Variants in GABRB3 observed in about 807,000 individuals in gnomAD.
The protein encoded by GABRB3 is gamma-aminobutyric acid receptor subunit beta-3.
In GABRB3, 14 loss-of-function variants were observed where a neutral mutation model predicts 52.1. That is an observed-to-expected ratio of 0.27 (90% CI 0.18 to 0.42). The LOEUF (loss-of-function observed/expected upper bound fraction) is 0.42. Ranked by LOEUF, GABRB3 falls within the 10% of genes least tolerant of loss-of-function variation. GABRB3 has a pLI of 1.00. For synonymous variants in GABRB3, 260 were observed against 232.3 expected, an observed-to-expected ratio of 1.12 and a Z score of -1.08; for missense variants, 307 against 609.1, an observed-to-expected ratio of 0.50 and a Z score of 5.22.
intron 8 of GABRB3, among the ~76,000 whole-genome samples, chr15:26,553,103 T>C (rs11855486): frequency 0.011 from 1,715 of 152,304 alleles, 32 homozygotes; most frequent in African/African-American, 0.039. Context: ...CTATCTGATG[T>C]TGAGTCAGAA....
intron 3 of GABRB3, among the ~76,000 whole-genome samples, chr15:26,714,058 G>A (rs1344210416): frequency 6.6e-6 from 1 of 152,232 alleles, no homozygotes; most frequent in Non-Finnish European, 1.5e-5. Context: ...ACAATAATAA[G>A]GAGAATATGT....
Position 26,554,951 on chromosome 15 carries a change from G to A in GABRB3, c.1080+5981C>T, listed in dbSNP as rs527758786. The stretch of plus-strand genomic sequence containing the variant: ...TCCCGGCACTTTGGGAGGCTGAGGC[G>A]GGCGGATCACGAGGTCAGGAGATCA... On this transcript the variant is annotated intron_variant, in intron 8 of 8. Coordinates refer to ENST00000311550, the MANE Select transcript of GABRB3 (RefSeq NM_000814.6). Among the ~76,000 whole-genome samples the A allele has an allele frequency of 5.3e-5, 8 of 152,186 alleles. No individual in the cohort carries two copies. In the South Asian group the frequency reaches 8.3e-4, roughly 16 times the overall value.
At chr15:26,601,931 A>G (rs1279272132) in intron 4 of GABRB3, among the ~76,000 whole-genome samples, 1 of 152,202 alleles carries the variant, frequency 6.6e-6, no homozygotes, top group Non-Finnish European at 1.5e-5. Flanking sequence ...TTGAAGGTAA[A>G]GGGAATAAAT....
chr15:26,701,828 G>C (rs1012842481), intron 3 of GABRB3, among the ~76,000 whole-genome samples: 2 of 152,122 alleles, frequency 1.3e-5, no homozygotes, highest in African/African-American at 4.8e-5. Flanking sequence ...CTTATTTCAA[G>C]AGTTATTTTA....
chr15:26,663,587 C>G (rs1050636471), intron 3 of GABRB3, among the ~76,000 whole-genome samples: 1 of 152,196 alleles, frequency 6.6e-6, no homozygotes, highest in African/African-American at 2.4e-5. Flanking sequence ...TTCAACTTAC[C>G]TGTGCTGTCA....
At chr15:26,754,039 G>T (rs1890589743) in intron 3 of GABRB3, among the ~76,000 whole-genome samples, 1 of 152,192 alleles carries the variant, frequency 6.6e-6, no homozygotes, top group East Asian at 1.9e-4. Context: ...TTTCTCCAGT[G>T]TGTGGGCTTG....
chr15:26,630,028 C>T (rs967935697), intron 3 of GABRB3, among the ~76,000 whole-genome samples: 2 of 152,080 alleles, frequency 1.3e-5, no homozygotes, highest in African/African-American at 4.8e-5. Flanking sequence ...ACCCCGCAAC[C>T]CTCCACGACC....
intron 3 of GABRB3, among the ~76,000 whole-genome samples, chr15:26,736,557 T>C (rs2074949292): frequency 6.6e-6 from 1 of 152,232 alleles, no homozygotes; most frequent in South Asian, 2.1e-4. Flanking sequence ...CATATTGCAA[T>C]GTCACTCTGT....
At chr15:26,592,484 T>C (rs956852317) in intron 4 of GABRB3, among the ~76,000 whole-genome samples, 1 of 152,200 alleles carries the variant, frequency 6.6e-6, no homozygotes, top group African/African-American at 2.4e-5. Flanking sequence ...AGATGACCTG[T>C]GTCTGGTTAC....
At chr15:26,711,531 G>C (rs1181557221) in intron 3 of GABRB3, among the ~76,000 whole-genome samples, 3 of 152,134 alleles carry the variant, frequency 2.0e-5, no homozygotes, top group Non-Finnish European at 4.4e-5. Context: ...GTGTGCATGA[G>C]AGTGATTTTG....
chr15:26,689,017 A>G (rs922084553), intron 3 of GABRB3, among the ~76,000 whole-genome samples: 1 of 152,230 alleles, frequency 6.6e-6, no homozygotes, highest in African/African-American at 2.4e-5. Flanking sequence ...ATTTCAACTC[A>G]TATTTGTCCT....
intron 6 of GABRB3, among the ~76,000 whole-genome samples, chr15:26,571,872 A>G (rs1186833292): frequency 2.0e-5 from 3 of 151,886 alleles, no homozygotes; most frequent in Non-Finnish European, 4.4e-5. Flanking sequence ...ACATGGTGAA[A>G]CCCCATCTCT....
At chr15:26,673,914 C>T (rs1887975556) in intron 3 of GABRB3, among the ~76,000 whole-genome samples, 1 of 152,164 alleles carries the variant, frequency 6.6e-6, no homozygotes, top group East Asian at 1.9e-4. Flanking sequence ...TTTACCTTAG[C>T]AGTATTGTTA....
rs570050887 is a variant in GABRB3, at chr15:26,631,776, C to T, written c.241-10242G>A. Among the ~76,000 whole-genome samples the T allele has an allele frequency of 2.6e-5, 4 of 152,322 alleles. No homozygotes were observed. The East Asian group carries it at 5.8e-4, about 22-fold the overall frequency. On this transcript the variant is annotated intron_variant, in intron 3 of 8. Transcript: ENST00000311550. ...ATATCTAACATCACAACCAACTCTC[C>T]TCCCACAACAGACTTCGATGGTATC...
At chr15:26,606,082 C>T (rs1891780256) in intron 4 of GABRB3, among the ~76,000 whole-genome samples, 1 of 152,016 alleles carries the variant, frequency 6.6e-6, no homozygotes, top group South Asian at 2.1e-4. Context: ...GGGAAATCAG[C>T]CCAGCAATCC....
At chr15:26,702,117 T>C (rs953467984) in intron 3 of GABRB3, among the ~76,000 whole-genome samples, 1 of 152,168 alleles carries the variant, frequency 6.6e-6, no homozygotes, top group Non-Finnish European at 1.5e-5. Context: ...GACCTAAATG[T>C]AAAACCTAAA....
At chr15:26,757,161 A>T (rs1310627688) in intron 3 of GABRB3, among the ~76,000 whole-genome samples, 1 of 152,066 alleles carries the variant, frequency 6.6e-6, no homozygotes, top group Non-Finnish European at 1.5e-5. Context: ...TCTTATACCA[A>T]TTTTACCATT....
intron 3 of GABRB3, among the ~76,000 whole-genome samples, chr15:26,623,369 C>T (rs1449699103): frequency 1.3e-5 from 2 of 152,150 alleles, no homozygotes; most frequent in East Asian, 3.9e-4. Flanking sequence ...GAGTATTAAC[C>T]GTGCCTTTTA....
chr15:26,605,114 C>T (rs759571593), intron 4 of GABRB3, among the ~76,000 whole-genome samples: 1 of 152,142 alleles, frequency 6.6e-6, no homozygotes, highest in Non-Finnish European at 1.5e-5. Flanking sequence ...GTTGAATAGA[C>T]ATTTCTCAAA....
Sources: allele counts gnomAD v4.1 joint callset (sites outside exome capture counted in the v4.1 genomes callset), GRCh38; gene constraint gnomAD v4.1.1; transcripts MANE v1.5; gene names NCBI Gene and HGNC (gene_info 2026-07-23, HGNC 2026-07-21).